The following CISD1 variants were observed in gnomAD, a reference collection of about 807,000 sequenced individuals.
The protein encoded by CISD1 is CDGSH iron-sulfur domain-containing protein 1.
CISD1 carries 8 observed loss-of-function variants against 12.0 expected under a neutral mutation model. The observed-to-expected ratio is 0.67, with a 90% CI of 0.39 to 1.20. The LOEUF (loss-of-function observed/expected upper bound fraction) is 1.20, where lower values mean the gene tolerates loss of function less well. CISD1 is among the 50% of genes most tolerant of loss of function. The pLI, the probability that CISD1 is intolerant of heterozygous loss-of-function variation, is 0.01. For synonymous variants in CISD1, 38 were observed against 42.2 expected (o/e 0.90, Z 0.39); for missense variants, 107 against 132.7 (o/e 0.81, Z 0.95).
At chr10:58,272,469 T>C (rs1010389897) in intron 1 of CISD1, among the ~76,000 whole-genome samples, 1 of 152,236 alleles carries the variant, frequency 6.6e-6, no homozygotes, top group African/African-American at 2.4e-5. Context: ...ACTAATTTTC[T>C]AATTCATTTA....
chr10:58,274,889 A>C (rs533864986), intron 1 of CISD1, among the ~76,000 whole-genome samples: 16 of 152,184 alleles, frequency 1.1e-4, no homozygotes, highest in Non-Finnish European at 2.2e-4. Flanking sequence ...AATGGGATTT[A>C]ATGACTAGGA....
intron 2 of CISD1, among the ~76,000 whole-genome samples, chr10:58,278,570 A>G (rs926759274): frequency 3.3e-5 from 5 of 152,122 alleles, no homozygotes; most frequent in Non-Finnish European, 5.9e-5. Flanking sequence ...TGAAAAAAAT[A>G]ATGTTAAAGG....
chr10:58,276,399 A>G (rs1839315202), intron 1 of CISD1, among the ~76,000 whole-genome samples: 1 of 151,164 alleles, frequency 6.6e-6, no homozygotes, highest in African/African-American at 2.4e-5. Flanking sequence ...TACTTATATA[A>G]TCATGTTTTC....
intron 1 of CISD1, among the ~76,000 whole-genome samples, chr10:58,271,635 T>C (rs544878764): frequency 1.3e-5 from 2 of 152,304 alleles, no homozygotes; most frequent in South Asian, 4.1e-4. Flanking sequence ...AATTTGTAAT[T>C]ATAAAGGGTT....
intron 1 of CISD1, among the ~76,000 whole-genome samples, chr10:58,274,440 C>CT (rs34405014): frequency 0.18 from 14,015 of 79,020 alleles, 2,112 homozygotes; most frequent in African/African-American, 0.36. Flanking sequence ...AAAATAACAA[C>CT]TTTTTTTTTT....
chr10:58,273,234 T>G (rs967634883), intron 1 of CISD1, among the ~76,000 whole-genome samples: 1 of 152,002 alleles, frequency 6.6e-6, no homozygotes, highest in African/African-American at 2.4e-5. Flanking sequence ...ACATAGGAAT[T>G]GCAAATTTAA....
chr10:58,275,392 C>T (rs2275442), intron 1 of CISD1, among the ~76,000 whole-genome samples: 10,209 of 152,200 alleles, frequency 0.067, 427 homozygotes, highest in East Asian at 0.14. Context: ...AATTGTAGAC[C>T]TGCTTGGAAT....
At chr10:58,277,493 C>G (rs1460129322) in intron 2 of CISD1, among the ~76,000 whole-genome samples, 171 bp downstream of exon 2, 1 of 151,980 alleles carries the variant, frequency 6.6e-6, no homozygotes. Context: ...GATCTCAGCT[C>G]ACTGCAACCT....
At chr10:58,275,112 A>C (rs1157247500) in intron 1 of CISD1, among the ~76,000 whole-genome samples, 1 of 152,228 alleles carries the variant, frequency 6.6e-6, no homozygotes, top group East Asian at 1.9e-4. Context: ...GACAGCATTA[A>C]GGAAGTTGCG....
At chr10:58,284,914 AAG>A (rs1180433518) in intron 2 of CISD1, among the ~76,000 whole-genome samples, 4 of 152,204 alleles carry the variant, frequency 2.6e-5, no homozygotes, top group African/African-American at 7.2e-5. Context: ...TATTTATAAA[AAG>A]AGTCTTTACA....
chr10:58,273,754 A>C (rs572809487), intron 1 of CISD1, among the ~76,000 whole-genome samples: 4 of 152,222 alleles, frequency 2.6e-5, no homozygotes, highest in Non-Finnish European at 5.9e-5. Context: ...ATTTGTGTAG[A>C]TATAAAGCAT....
At chr10:58,282,728 G>T (rs868570943) in intron 2 of CISD1, among the ~76,000 whole-genome samples, 1 of 152,128 alleles carries the variant, frequency 6.6e-6, no homozygotes, top group Non-Finnish European at 1.5e-5. Context: ...TTGAGTCAGC[G>T]GTATCTTGAC....
At chr10:58,276,774 C>T (rs1170127122) in intron 1 of CISD1, among the ~76,000 whole-genome samples, 1 of 149,322 alleles carries the variant, frequency 6.7e-6, no homozygotes, top group Non-Finnish European at 1.5e-5. Context: ...CAATAGTTAC[C>T]TGCAAGTTCA....
At chr10:58,274,304 G>T (rs986735302) in intron 1 of CISD1, among the ~76,000 whole-genome samples, 2 of 151,850 alleles carry the variant, frequency 1.3e-5, no homozygotes, top group African/African-American at 4.8e-5. Flanking sequence ...CCTAATTGTT[G>T]ATTTTTGGAC....
chr10:58,286,199 C>A (rs1839427073), intron 2 of CISD1, among the ~76,000 whole-genome samples: 1 of 144,544 alleles, frequency 6.9e-6, no homozygotes, highest in Non-Finnish European at 1.5e-5. Context: ...AGCAAGACTC[C>A]GTTTCAAAAA....
intron 1 of CISD1, among the ~76,000 whole-genome samples, chr10:58,270,116 G>C (rs983671040): frequency 1.3e-5 from 2 of 152,108 alleles, no homozygotes; most frequent in African/African-American, 4.8e-5. Context: ...ACGCCACTTC[G>C]CAAGGTTTTG....
intron 1 of CISD1, among the ~76,000 whole-genome samples, chr10:58,271,661 C>T (rs562995666): frequency 6.6e-6 from 1 of 152,186 alleles, no homozygotes; most frequent in South Asian, 2.1e-4. Context: ...TGATATGTGA[C>T]AGTGGTAAGC....
Position 58,269,315 on chromosome 10 carries a change from G to T in CISD1, c.31+11G>T, listed in dbSNP as rs1404373859. The stretch of plus-strand genomic sequence containing the variant: ...GTTCCAGCGTACGAGGTGAAGTGGG[G>T]CCTGGGAGCGGGTGAGGCTGGTGAG... On this transcript the variant is annotated intron_variant, in intron 1 of 2. Coordinates refer to ENST00000333926, the MANE Select transcript of CISD1 (RefSeq NM_018464.5). 1 of 1,607,132 alleles carries T rather than the reference G, an allele frequency of 6.2e-7. No homozygotes were observed.
rs1223447750 is a variant in CISD1 at position 58,289,074 on chromosome 10, T to C, written c.*1424T>C. The C allele has an allele frequency of 1.3e-5, 2 of 152,276 alleles. No individual in the cohort carries two copies. Among genetic ancestry groups the C allele is most frequent in the Non-Finnish European group, 2.9e-5 (2 of 67,942 alleles). 9.4% of individuals were successfully genotyped at this position (152,276 alleles called of 1,614,324 possible). A position where few individuals can be genotyped will look rare whatever the true frequency, so the allele number is the denominator to read the frequency against. Reference sequence around the variant, plus strand: ...GAAGCCCATGTAACTAACTTGGACATGTCTTTAAGTCACATATTCATCATA... The same window carrying C: ...GAAGCCCATGTAACTAACTTGGACACGTCTTTAAGTCACATATTCATCATA... On this transcript the variant is annotated 3_prime_UTR_variant, in exon 3 of 3. Coordinates refer to ENST00000333926, the MANE Select transcript of CISD1 (RefSeq NM_018464.5).
Sources: gnomAD v4.1 joint callset for allele counts (sites outside exome capture counted in the v4.1 genomes callset) on GRCh38, gnomAD v4.1.1 for gene constraint, MANE v1.5 for transcripts, NCBI Gene and HGNC (gene_info 2026-07-23, HGNC 2026-07-21) for gene names.